The following GUCY1A2 variants were observed in gnomAD, a reference collection of about 807,000 sequenced individuals.
The protein encoded by GUCY1A2 is guanylate cyclase soluble subunit alpha-2.
GUCY1A2 carries 27 observed loss-of-function variants against 63.5 expected under a neutral mutation model. The ratio of observed to expected loss-of-function variants is 0.43; its 90% CI spans 0.31 to 0.59. GUCY1A2 has a LOEUF of 0.59. Among genes scored for constraint, GUCY1A2 ranks in the 20% least tolerant of loss-of-function variants. The probability of loss-of-function intolerance (pLI) is 0.11; values close to 1 mark genes in which losing one functional copy is unlikely to be tolerated. For synonymous variants in GUCY1A2, 364 were observed against 343.5 expected (o/e 1.06, Z -0.66); for missense variants, 768 against 913.3 (o/e 0.84, Z 2.05).
At chr11:106,780,798 A>G in intron 5 of GUCY1A2, among the ~76,000 whole-genome samples, 1 of 152,198 alleles carries the variant, frequency 6.6e-6, no homozygotes, top group Admixed American at 6.5e-5. Flanking sequence ...TGTATGTAAT[A>G]TATCTTTGTG....
chr11:106,776,844 AT>A (rs1162887558), intron 5 of GUCY1A2, among the ~76,000 whole-genome samples: 1 of 152,204 alleles, frequency 6.6e-6, no homozygotes, highest in East Asian at 1.9e-4. Context: ...TAAAATAATT[AT>A]CCCCCACGAA....
intron 5 of GUCY1A2, among the ~76,000 whole-genome samples, chr11:106,782,894 C>G (rs1337917793): frequency 6.6e-6 from 1 of 152,154 alleles, no homozygotes; most frequent in Non-Finnish European, 1.5e-5. Flanking sequence ...ACATACACAG[C>G]AACTTGCCAC....
At chr11:106,767,421 A>G (rs1247642599) in intron 6 of GUCY1A2, among the ~76,000 whole-genome samples, 2 of 152,118 alleles carry the variant, frequency 1.3e-5, no homozygotes, top group Non-Finnish European at 2.9e-5. Flanking sequence ...AAATATGCAA[A>G]TATCTTCACA....
intron 4 of GUCY1A2, among the ~76,000 whole-genome samples, chr11:106,858,342 T>G (rs922135155): frequency 3.3e-5 from 5 of 152,152 alleles, no homozygotes; most frequent in Admixed American, 6.6e-5. Context: ...AAGCAATTTG[T>G]AAAGTTGAAA....
intron 1 of GUCY1A2, 120 bp downstream of exon 1, chr11:107,017,633 A>G (rs1840570): frequency 0.42 from 195,817 of 464,220 alleles, 41,666 homozygotes; most frequent in Admixed American, 0.54. Flanking sequence ...CGTGCAGGGT[A>G]AGGCCGGGCC....
chr11:106,923,605 CA>C (rs2119912847), intron 4 of GUCY1A2, among the ~76,000 whole-genome samples: 1 of 151,814 alleles, frequency 6.6e-6, no homozygotes, highest in East Asian at 1.9e-4. Flanking sequence ...AAACATATGA[CA>C]AAAAGGTACA....
intron 4 of GUCY1A2, among the ~76,000 whole-genome samples, chr11:106,856,599 A>G (rs1295574976): frequency 6.6e-6 from 1 of 152,202 alleles, no homozygotes. Flanking sequence ...ATATCCTATT[A>G]CATTTATTAT....
chr11:107,001,218 G>A (rs1349435174), intron 1 of GUCY1A2, among the ~76,000 whole-genome samples: 1 of 152,186 alleles, frequency 6.6e-6, no homozygotes, highest in Non-Finnish European at 1.5e-5. Context: ...AGTAGGTGGG[G>A]ATATAGAATT....
chr11:107,001,941 C>T (rs1861617087), intron 1 of GUCY1A2, among the ~76,000 whole-genome samples: 1 of 151,798 alleles, frequency 6.6e-6, no homozygotes, highest in Non-Finnish European at 1.5e-5. Context: ...ATCGCTTGAA[C>T]CTGGGAGGCA....
chr11:106,883,130 C>A (rs1859849135), intron 4 of GUCY1A2, among the ~76,000 whole-genome samples: 1 of 151,986 alleles, frequency 6.6e-6, no homozygotes, highest in Non-Finnish European at 1.5e-5. Context: ...ATTAAAATAA[C>A]ACTACTGAAC....
intron 6 of GUCY1A2, among the ~76,000 whole-genome samples, chr11:106,709,356 TA>T (rs1183504576): frequency 1.4e-4 from 13 of 90,442 alleles, no homozygotes; most frequent in African/African-American, 1.8e-4. Context: ...TTATATATTT[TA>T]TATAATATAT....
intron 4 of GUCY1A2, among the ~76,000 whole-genome samples, chr11:106,923,905 C>T (rs986593062): frequency 1.3e-5 from 2 of 152,052 alleles, no homozygotes; most frequent in African/African-American, 4.8e-5. Flanking sequence ...TTCCCAAGAC[C>T]ATTTGTAAAA....
chr11:106,896,771 C>T (rs556726908), intron 4 of GUCY1A2, among the ~76,000 whole-genome samples: 142 of 152,340 alleles, frequency 9.3e-4, no homozygotes, highest in African/African-American at 3.2e-3. Context: ...AATCCTGCCA[C>T]TGTCTTGATC....
chr11:106,984,284 T>C (rs1861374026), intron 2 of GUCY1A2, among the ~76,000 whole-genome samples: 1 of 152,196 alleles, frequency 6.6e-6, no homozygotes, highest in South Asian at 2.1e-4. Context: ...CTCTTTATAC[T>C]GGAGTCAAAC....
At chr11:106,821,331 C>T (rs1858900632) in intron 4 of GUCY1A2, among the ~76,000 whole-genome samples, 2 of 152,166 alleles carry the variant, frequency 1.3e-5, no homozygotes. Flanking sequence ...CTTACACAAA[C>T]AAACTGCCTT....
chr11:106,833,126 G>A (rs1373352773), intron 4 of GUCY1A2, among the ~76,000 whole-genome samples: 1 of 152,032 alleles, frequency 6.6e-6, no homozygotes, highest in African/African-American at 2.4e-5. Flanking sequence ...CCCTGTGTTT[G>A]TGTCTGTGTC....
At chr11:106,752,537 G>A (rs576687078) in intron 6 of GUCY1A2, among the ~76,000 whole-genome samples, 4 of 151,950 alleles carry the variant, frequency 2.6e-5, no homozygotes, top group South Asian at 2.1e-4. Context: ...GCAGGCCCTG[G>A]TGTGTGATGT....
intron 4 of GUCY1A2, among the ~76,000 whole-genome samples, chr11:106,883,974 G>T (rs1859862573): frequency 6.6e-6 from 1 of 152,120 alleles, no homozygotes; most frequent in Admixed American, 6.6e-5. Flanking sequence ...CTCACTCATA[G>T]GTGGGAACTG....
intron 4 of GUCY1A2, among the ~76,000 whole-genome samples, chr11:106,814,254 A>T (rs1858801735): frequency 2.0e-5 from 3 of 152,038 alleles, no homozygotes; most frequent in African/African-American, 7.2e-5. Context: ...GCACTTCTAG[A>T]TTTGGTTTCT....
Sources: gnomAD v4.1 joint callset for allele counts (sites outside exome capture counted in the v4.1 genomes callset) on GRCh38, gnomAD v4.1.1 for gene constraint, MANE v1.5 for transcripts, NCBI Gene and HGNC (gene_info 2026-07-23, HGNC 2026-07-21) for gene names.